The following SAP30L variants were observed in gnomAD, a reference collection of about 807,000 sequenced individuals.
SAP30L encodes the protein SAP30 like.
A neutral mutation model predicts 22.3 loss-of-function variants in SAP30L; 10 were observed. That is an observed-to-expected ratio of 0.45 (90% CI 0.28 to 0.76). The LOEUF is 0.76. Ranked by LOEUF, SAP30L falls within the 30% of genes least tolerant of loss-of-function variation. The probability of loss-of-function intolerance (pLI) is 0.14; values close to 1 mark genes in which losing one functional copy is unlikely to be tolerated. For synonymous variants in SAP30L, 91 were observed against 94.1 expected, an observed-to-expected ratio of 0.97 and a Z score of 0.19; for missense variants, 206 against 237.9, an observed-to-expected ratio of 0.87 and a Z score of 0.88.
At position 154,456,772 on chromosome 5, in the gene SAP30L, G is replaced by A. The variant is rs1757273658; in HGVS notation, c.*744G>A. Reference sequence around the variant, plus strand: ...TGCATGTGCAAAACTATTCGTTGAGGTTCCAGAAACACTGATATAGAGACC... The same window carrying A: ...TGCATGTGCAAAACTATTCGTTGAGATTCCAGAAACACTGATATAGAGACC... On this transcript the variant is annotated 3_prime_UTR_variant, in exon 4 of 4. Transcript: ENST00000297109. The A allele has an allele frequency of 6.6e-6, 1 of 152,226 alleles. No individual in the cohort carries two copies. The highest frequency in any genetic ancestry group is 1.5e-5 in the Non-Finnish European group (1 of 68,056). 9.4% of individuals were successfully genotyped at this position (152,226 alleles called of 1,614,324 possible).
chr5:154,446,399 C>G lies in SAP30L; in HGVS notation c.-206C>G, dbSNP rs1757003766. 7.2e-6 allele frequency: 3 copies of G among 417,164 alleles called. No individual in the cohort carries two copies. The highest frequency in any genetic ancestry group is 1.7e-4 in the South Asian group (2 of 11,846). The allele number at this position is 417,164 out of a possible 1,614,324, so 25.8% of individuals were successfully genotyped here. A position where few individuals can be genotyped will look rare whatever the true frequency, so the allele number is the denominator to read the frequency against. Reference sequence around the variant, plus strand: ...CGGGAGCCGACCCCGGGGCCTCGAGCCGGGAGGAAGGGGGCTTCCGGAGGC... The same window carrying G: ...CGGGAGCCGACCCCGGGGCCTCGAGGCGGGAGGAAGGGGGCTTCCGGAGGC... On this transcript the variant is annotated 5_prime_UTR_variant, in exon 1 of 4. Transcript: ENST00000297109.
At chr5:154,446,957 C>T (rs1437888644) in intron 1 of SAP30L, 152 bp downstream of exon 1, 1 of 625,688 alleles carries the variant, frequency 1.6e-6, no homozygotes, top group Non-Finnish European at 2.7e-6. Context: ...TTTCAAAGGC[C>T]GCTCCAGCGC....
chr5:154,458,462 A>T lies in SAP30L; in HGVS notation c.*2434A>T, dbSNP rs536809013. 1.3e-5 allele frequency: 2 copies of T among 152,454 alleles called. No homozygotes were observed. The highest frequency in any genetic ancestry group is 4.8e-5 in the African/African-American group (2 of 41,580). The allele number at this position is 152,454 out of a possible 1,614,324, so 9.4% of individuals were successfully genotyped here. ...GAGAAGTGGCCAGGCCCTCCAGAGC[A>T]ACGGGGTCTGGCTTCAGGGAGCAGT... On this transcript the variant is annotated 3_prime_UTR_variant, in exon 4 of 4. Transcript: ENST00000297109.
intron 3 of SAP30L, among the ~76,000 whole-genome samples, chr5:154,454,425 A>G (rs1216916208): frequency 6.6e-6 from 1 of 152,202 alleles, no homozygotes; most frequent in African/African-American, 2.4e-5. Context: ...TTTTCTGCCT[A>G]TTACAGAAAA....
intron 1 of SAP30L, 53 bp downstream of exon 1, chr5:154,446,858 G>T (rs1757026016): frequency 2.0e-6 from 3 of 1,478,374 alleles, no homozygotes; most frequent in Non-Finnish European, 2.8e-6. Context: ...CTCTCCGTCC[G>T]CTGCCCTGGG....
chr5:154,459,021 A>G lies in SAP30L; in HGVS notation c.*2993A>G, dbSNP rs1053794811. 5 of 152,228 alleles carry G rather than the reference A, an allele frequency of 3.3e-5. No homozygotes were observed. The highest frequency in any genetic ancestry group is 4.8e-5 in the African/African-American group (2 of 41,476). 9.4% of individuals were successfully genotyped at this position (152,228 alleles called of 1,614,324 possible). ...CAATTGTTTGCAGCTGCAGTGTTGC[A>G]TCTAATTTTGGTGTTTAGGCTTTTT... On this transcript the variant is annotated 3_prime_UTR_variant, in exon 4 of 4. Transcript: ENST00000297109.
At position 154,452,143 on chromosome 5, in the gene SAP30L, C is replaced by T. The variant is rs552918304; in HGVS notation, c.324+930C>T. Among the ~76,000 whole-genome samples the T allele has an allele frequency of 8.5e-5, 13 of 152,198 alleles. No individual in the cohort carries two copies. The South Asian group carries it at 1.7e-3, about 19-fold the overall frequency. The stretch of plus-strand genomic sequence containing the variant: ...ACACATGAATATTTCATAAGGCAAC[C>T]GCCTGTTAGCACTCAGAGTGAAAAT... On this transcript the variant is annotated intron_variant, in intron 2 of 3. Transcript: ENST00000297109.
At chr5:154,447,963 C>CTTTTTTTTTT (rs1334594389) in intron 1 of SAP30L, among the ~76,000 whole-genome samples, 2 of 114,670 alleles carry the variant, frequency 1.7e-5, no homozygotes, top group Non-Finnish European at 3.6e-5. Context: ...TTTTTTTTTT[C>CTTTTTTTTTT]TTTTTCTTTT....
In SAP30L at chr5:154,460,163, A is replaced by C. The variant is rs1242037242; in HGVS notation, c.*4135A>C. ...AATTCCCAAGGCCAACCTAGCTCTC[A>C]GGGACCAACCTGCAGAACTCAAGAT... On this transcript the variant is annotated 3_prime_UTR_variant, in exon 4 of 4. Coordinates refer to ENST00000297109, the MANE Select transcript of SAP30L (RefSeq NM_024632.6). 1 of 152,250 alleles carries C rather than the reference A, an allele frequency of 6.6e-6. No individual in the cohort carries two copies. The allele number at this position is 152,250 out of a possible 1,614,324, so 9.4% of individuals were successfully genotyped here. A position where few individuals can be genotyped will look rare whatever the true frequency, so the allele number is the denominator to read the frequency against.
intron 1 of SAP30L, among the ~76,000 whole-genome samples, chr5:154,448,730 T>A (rs1197722894): frequency 1.3e-5 from 2 of 152,216 alleles, no homozygotes; most frequent in Non-Finnish European, 2.9e-5. Flanking sequence ...TGTTGAGCTA[T>A]GCTGATCATT....
rs1159171008 is a variant in SAP30L, at chr5:154,461,052, G to A, written c.*5024G>A. On this transcript the variant is annotated 3_prime_UTR_variant, in exon 4 of 4. Coordinates refer to ENST00000297109, the MANE Select transcript of SAP30L (RefSeq NM_024632.6). ...TAATAAATAATCTGAATGAGTAAGA[G>A]ACCCTCTGTCTTCCCTTTGAATTTT... 6.6e-6 allele frequency: 1 copy of A among 152,218 alleles called. No homozygotes were observed. The highest frequency in any genetic ancestry group is 2.4e-5 in the African/African-American group (1 of 41,446). 9.4% of individuals were successfully genotyped at this position (152,218 alleles called of 1,614,324 possible).
At position 154,453,310 on chromosome 5, in the gene SAP30L, C is replaced by T. The variant is rs1477186804; in HGVS notation, c.325-92C>T. On this transcript the variant is annotated intron_variant, in intron 2 of 3. Coordinates refer to ENST00000297109, the MANE Select transcript of SAP30L (RefSeq NM_024632.6). Reference sequence around the variant, plus strand: ...TTTTGAAGCCCTCCCCATCCTCACCCCTACCTTAGTGTAGTGCTAGGCACA... The same window carrying T: ...TTTTGAAGCCCTCCCCATCCTCACCTCTACCTTAGTGTAGTGCTAGGCACA... 6 of 846,762 alleles carry T rather than the reference C, an allele frequency of 7.1e-6. No homozygotes were observed. In the Admixed American group the frequency reaches 9.9e-5, roughly 14 times the overall value. The allele number at this position is 846,762 out of a possible 1,614,324, so 52.5% of individuals were successfully genotyped here.
intron 1 of SAP30L, among the ~76,000 whole-genome samples, chr5:154,447,008 T>TG (rs1757032250): frequency 1.3e-5 from 2 of 152,260 alleles, no homozygotes; most frequent in Non-Finnish European, 2.9e-5. Flanking sequence ...TCCGGGAGGA[T>TG]GGGGGCGGGG....
In SAP30L at chr5:154,457,969, A is replaced by C. The variant is rs1757298891; in HGVS notation, c.*1941A>C. ...CCATGGAAATGTCCATATCTTAATG[A>C]GTAAAAAAGTGTATTTTTCTGATAC... On this transcript the variant is annotated 3_prime_UTR_variant, in exon 4 of 4. Coordinates refer to ENST00000297109, the MANE Select transcript of SAP30L (RefSeq NM_024632.6). 1 of 152,174 alleles carries C rather than the reference A, an allele frequency of 6.6e-6. No homozygotes were observed. Among genetic ancestry groups the C allele is most frequent in the Non-Finnish European group, 1.5e-5 (1 of 68,006 alleles). 9.4% of individuals were successfully genotyped at this position (152,174 alleles called of 1,614,324 possible).
At chr5:154,451,391 C>T in intron 2 of SAP30L, 178 bp downstream of exon 2, 1 of 687,434 alleles carries the variant, frequency 1.5e-6, no homozygotes, top group Non-Finnish European at 2.4e-6. Flanking sequence ...GCTTGGACAC[C>T]CACTGGTCAG....
At position 154,446,531 on chromosome 5, in the gene SAP30L, G is replaced by T. The variant is rs2113262537; in HGVS notation, c.-74G>T. On this transcript the variant is annotated 5_prime_UTR_variant, in exon 1 of 4. Coordinates refer to ENST00000297109, the MANE Select transcript of SAP30L (RefSeq NM_024632.6). ...TCGGCTGCGGGGGTCTCAGCGACCTGCCCCGCGGCAAGCGCGGCCGCGGAG... is the reference window on the plus strand; with the variant it reads ...TCGGCTGCGGGGGTCTCAGCGACCTTCCCCGCGGCAAGCGCGGCCGCGGAG... The T allele has an allele frequency of 7.9e-7, 1 of 1,259,706 alleles. No homozygotes were observed. Among genetic ancestry groups the T allele is most frequent in the South Asian group, 1.8e-5 (1 of 56,442 alleles). 78.0% of individuals were successfully genotyped at this position (1,259,706 alleles called of 1,614,324 possible).
In SAP30L at chr5:154,457,085, C is replaced by T. The variant is rs1157906815; in HGVS notation, c.*1057C>T. On this transcript the variant is annotated 3_prime_UTR_variant, in exon 4 of 4. Coordinates refer to ENST00000297109, the MANE Select transcript of SAP30L (RefSeq NM_024632.6). ...ATCAGCAAATCATGAGTTTGGGCAA[C>T]AAAGGTCAATTCCATCTGATGCTCA... 1.3e-5 allele frequency: 2 copies of T among 152,196 alleles called. No homozygotes were observed. The highest frequency in any genetic ancestry group is 4.8e-5 in the African/African-American group (2 of 41,436). 9.4% of individuals were successfully genotyped at this position (152,196 alleles called of 1,614,324 possible).
At chr5:154,448,256 G>A (rs576285362) in intron 1 of SAP30L, among the ~76,000 whole-genome samples, 8 of 152,048 alleles carry the variant, frequency 5.3e-5, no homozygotes, top group South Asian at 4.1e-4. Flanking sequence ...GATTACAGGC[G>A]TGAGCCACTG....
Position 154,446,695 on chromosome 5 carries a change from C to T in SAP30L, c.91C>T (p.Leu31Phe). ...AAPGYGQSCC[L>F]IEDGERCVRP... is the part of the protein sequence containing the mutation. ...CCCGGGCTACGGCCAGAGCTGCTGC[C>T]TCATCGAGGACGGCGAGCGCTGCGT... Residue 31 changes from leucine to phenylalanine, a missense_variant, in exon 1 of 4, where the codon CTC becomes TTC. Around this residue, in one of 2 missense-constraint regions of SAP30L, gnomAD observed 70 missense variants for 50.5 expected, o/e 1.39. Coordinates refer to ENST00000297109, the MANE Select transcript of SAP30L (RefSeq NM_024632.6). 6.3e-7 allele frequency: 1 copy of T among 1,591,762 alleles called. No individual in the cohort carries two copies. Among genetic ancestry groups the T allele is most frequent in the Non-Finnish European group, 8.5e-7 (1 of 1,171,958 alleles).
Sources: allele counts gnomAD v4.1 joint callset (sites outside exome capture counted in the v4.1 genomes callset), GRCh38; gene constraint gnomAD v4.1.1; regional missense constraint gnomAD v4.1.1; transcripts MANE v1.5; gene names NCBI Gene and HGNC (gene_info 2026-07-23, HGNC 2026-07-21).